BTG4: variants seen among roughly 807,000 people sequenced by gnomAD.
The protein encoded by BTG4 is protein BTG4.
Under a neutral mutation model 19.3 loss-of-function variants are expected in BTG4, and 10 were observed. That is an observed-to-expected ratio of 0.52 (90% CI 0.32 to 0.88). BTG4 has a LOEUF of 0.88. BTG4 is among the 40% of genes least tolerant of loss of function. The pLI, the probability that BTG4 is intolerant of heterozygous loss-of-function variation, is 0.04. For synonymous variants in BTG4, 91 were observed against 95.7 expected (o/e 0.95, Z 0.29); for missense variants, 238 against 281.9 (o/e 0.84, Z 1.11).
At chr11:111,434,382 C>G in the BTG4 span, among the ~76,000 whole-genome samples, 1 of 152,120 alleles carries the variant, frequency 6.6e-6, no homozygotes, top group Non-Finnish European at 1.5e-5. Context: ...AGGGGAACAT[C>G]CCACACTGGG....
chr11:111,472,679 T>C (rs1864145465), intron 5 of BTG4, among the ~76,000 whole-genome samples: 1 of 152,254 alleles, frequency 6.6e-6, no homozygotes, highest in African/African-American at 2.4e-5. Context: ...CAGCTTTCTC[T>C]TAAGTTTTCC....
At position 111,495,130 on chromosome 11, in the gene BTG4, C is replaced by T; in HGVS notation, c.*5G>A. The T allele has an allele frequency of 6.6e-7, 1 of 1,526,202 alleles. No individual in the cohort carries two copies. The highest frequency in any genetic ancestry group is 1.3e-5 in the South Asian group (1 of 76,542). The allele number at this position is 1,526,202 out of a possible 1,614,324, so 94.5% of individuals were successfully genotyped here. On this transcript the variant is annotated 3_prime_UTR_variant, in exon 5 of 5. Transcript: ENST00000692032. ...CTCTTGCCCACCACGTGCCCAGTCG[C>T]TGCGTCATCGGTGTGTGTTGACCCA...
At chr11:111,436,889 C>G in the BTG4 span, among the ~76,000 whole-genome samples, 1 of 152,168 alleles carries the variant, frequency 6.6e-6, no homozygotes, top group South Asian at 2.1e-4. Context: ...TTGTATTTCT[C>G]CGGCAGATGG....
chr11:111,415,622 G>A, the BTG4 span, among the ~76,000 whole-genome samples: 1 of 152,164 alleles, frequency 6.6e-6, no homozygotes, highest in East Asian at 1.9e-4. Flanking sequence ...TCCCAATGGT[G>A]AGCCCAACAG....
At chr11:111,443,619 T>C in the BTG4 span, among the ~76,000 whole-genome samples, 1 of 152,256 alleles carries the variant, frequency 6.6e-6, no homozygotes, top group Non-Finnish European at 1.5e-5. Flanking sequence ...AAAGGGACTT[T>C]GGGATCATGG....
At chr11:111,498,301 CT>C (rs1268243658) in intron 2 of BTG4, among the ~76,000 whole-genome samples, 166 bp from the exon 3 acceptor site, 1 of 152,284 alleles carries the variant, frequency 6.6e-6, no homozygotes, top group South Asian at 2.1e-4. Flanking sequence ...ACATCATCAA[CT>C]TTTGATACAG....
chr11:111,451,655 T>G, the BTG4 span, among the ~76,000 whole-genome samples: 1 of 152,070 alleles, frequency 6.6e-6, no homozygotes, highest in Non-Finnish European at 1.5e-5. Context: ...TTCCAGCTAC[T>G]TGGGAGGCTG....
At chr11:111,423,194 A>G in the BTG4 span, among the ~76,000 whole-genome samples, 1 of 152,136 alleles carries the variant, frequency 6.6e-6, no homozygotes, top group South Asian at 2.1e-4. Context: ...CCGCAGTGAC[A>G]GAGCTCCCCC....
the BTG4 span, among the ~76,000 whole-genome samples, chr11:111,422,846 C>T: frequency 6.6e-6 from 1 of 152,200 alleles, no homozygotes; most frequent in Non-Finnish European, 1.5e-5. Flanking sequence ...CCAAAAGCAG[C>T]TGTGGGTGGA....
At chr11:111,497,117 C>T in intron 4 of BTG4, 94 bp downstream of exon 4, 8 of 1,261,220 alleles carry the variant, frequency 6.3e-6, no homozygotes, top group Non-Finnish European at 8.9e-6. Flanking sequence ...TTTGTTCTTT[C>T]CATGTTTTTT....
chr11:111,431,602 AC>A, the BTG4 span, among the ~76,000 whole-genome samples: 1 of 152,196 alleles, frequency 6.6e-6, no homozygotes, highest in South Asian at 2.1e-4. Context: ...ACAGAAGTTA[AC>A]TGATTCACAT....
chr11:111,464,913 C>A (rs1296513273), downstream of BTG4, among the ~76,000 whole-genome samples: 1 of 152,184 alleles, frequency 6.6e-6, no homozygotes, highest in Admixed American at 6.5e-5. Context: ...TTTCCAAAGG[C>A]CCCCTGCCTT....
the BTG4 span, among the ~76,000 whole-genome samples, chr11:111,405,606 A>G: frequency 6.6e-6 from 1 of 152,024 alleles, no homozygotes; most frequent in Non-Finnish European, 1.5e-5. Context: ...CTCAGTATGA[A>G]CAATAACCCA....
At chr11:111,385,391 G>A in the BTG4 span, 6 of 151,984 alleles carry the variant, frequency 3.9e-5, no homozygotes, top group African/African-American at 9.7e-5. Context: ...ACAGATTTCT[G>A]CATTTAATTT....
At chr11:111,416,017 C>T in the BTG4 span, 2 of 152,494 alleles carry the variant, frequency 1.3e-5, no homozygotes, top group Non-Finnish European at 2.9e-5. Flanking sequence ...GCACTCCAGC[C>T]TGGGCAACAG....
At chr11:111,446,449 A>T in the BTG4 span, among the ~76,000 whole-genome samples, 2 of 152,266 alleles carry the variant, frequency 1.3e-5, no homozygotes, top group South Asian at 4.2e-4. Flanking sequence ...GCTTCTTAGA[A>T]AGGCAGAATC....
At chr11:111,428,208 TGGTCTTCTAGAC>T in the BTG4 span, among the ~76,000 whole-genome samples, 2 of 152,216 alleles carry the variant, frequency 1.3e-5, no homozygotes, top group Non-Finnish European at 2.9e-5. Flanking sequence ...ATGGAAATAC[TGGTCTTCTAGAC>T]TGTGAGATGA....
chr11:111,395,071 G>A, the BTG4 span, among the ~76,000 whole-genome samples: 1 of 152,240 alleles, frequency 6.6e-6, no homozygotes, highest in Admixed American at 6.5e-5. Flanking sequence ...GAAAATAGTG[G>A]AGAATTTTTT....
the BTG4 span, among the ~76,000 whole-genome samples, chr11:111,439,365 T>G: frequency 1.3e-5 from 2 of 152,182 alleles, no homozygotes; most frequent in Admixed American, 1.3e-4. Flanking sequence ...GCACTGTTTG[T>G]GTGAGCTCAT....
Sources: allele counts gnomAD v4.1 joint callset (sites outside exome capture counted in the v4.1 genomes callset), GRCh38; gene constraint gnomAD v4.1.1; transcripts MANE v1.5; gene names NCBI Gene and HGNC (gene_info 2026-07-23, HGNC 2026-07-21).